The following RNF170 variants were observed in gnomAD, a reference collection of about 807,000 sequenced individuals.
RNF170 encodes the protein ring finger protein 170.
RNF170 carries 12 observed loss-of-function variants against 32.7 expected under a neutral mutation model. The ratio of observed to expected loss-of-function variants is 0.37; its 90% CI spans 0.24 to 0.60. RNF170 has a LOEUF of 0.60. Ranked by LOEUF, RNF170 falls within the 20% of genes least tolerant of loss-of-function variation. RNF170 has a pLI of 0.72. For missense variants in RNF170, 212 were observed against 311.2 expected (o/e 0.68, Z 2.40); for synonymous variants, 91 against 103.6 (o/e 0.88, Z 0.74).
intron 1 of RNF170, among the ~76,000 whole-genome samples, chr8:42,889,013 ATC>A (rs1475300043): frequency 6.6e-5 from 10 of 152,228 alleles, no homozygotes; most frequent in African/African-American, 2.2e-4. Context: ...CCTAATAGAT[ATC>A]TGTTTAAATA....
intron 2 of RNF170, among the ~76,000 whole-genome samples, chr8:42,878,384 A>C (rs1240031428): frequency 6.6e-6 from 1 of 152,242 alleles, no homozygotes; most frequent in African/African-American, 2.4e-5. Context: ...AGTATTACTC[A>C]AGTGAACACA....
intron 1 of RNF170, among the ~76,000 whole-genome samples, chr8:42,888,500 C>T (rs538083244): frequency 6.4e-4 from 97 of 151,072 alleles, no homozygotes; most frequent in African/African-American, 2.2e-3. Flanking sequence ...CAGTGGCTCA[C>T]GCCTGTAATC....
intron 2 of RNF170, among the ~76,000 whole-genome samples, chr8:42,881,842 G>C (rs1805436296): frequency 6.6e-6 from 1 of 152,144 alleles, no homozygotes; most frequent in Non-Finnish European, 1.5e-5. Context: ...GGCTGAGGTG[G>C]GAGGATCACT....
Position 42,860,965 on chromosome 8 carries a change from G to A in RNF170, c.507+780C>T, listed in dbSNP as rs56196900. Among the ~76,000 whole-genome samples, 346 of 150,512 alleles carry A rather than the reference G, an allele frequency of 2.3e-3. 1 individual carries two copies. The highest frequency in any genetic ancestry group is 5.7e-3 in the African/African-American group (235 of 41,000). ...ACTGCTGACCTCAGGTGATCCACCC[G>A]CCTCGGCCTCCCAAAGTGCTGGGAT... is the stretch of plus-strand genomic sequence containing the variant. On this transcript the variant is annotated intron_variant, in intron 6 of 6. Coordinates refer to ENST00000527424, the MANE Select transcript of RNF170 (RefSeq NM_030954.4).
chr8:42,853,387 C>G lies in RNF170; in HGVS notation c.*2772G>C, dbSNP rs913331031. 1.1e-5 allele frequency: 14 copies of G among 1,285,056 alleles called. No individual in the cohort carries two copies. Among genetic ancestry groups the G allele is most frequent in the Middle Eastern group, 6.5e-4 (2 of 3,078 alleles). 79.6% of individuals were successfully genotyped at this position (1,285,056 alleles called of 1,614,324 possible). A position where few individuals can be genotyped will look rare whatever the true frequency, so the allele number is the denominator to read the frequency against. On this transcript the variant is annotated 3_prime_UTR_variant, in exon 7 of 7. Transcript: ENST00000527424. ...AGGTTTGAACCAAACCACCAGTCTT[C>G]TACAACAACTCTGTGAGGTAGGTAT...
chr8:42,867,308 C>T (rs957830690), intron 4 of RNF170, among the ~76,000 whole-genome samples: 1 of 151,482 alleles, frequency 6.6e-6, no homozygotes, highest in African/African-American at 2.4e-5. Flanking sequence ...CCTGTCACTA[C>T]TAAAAATACA....
chr8:42,872,209 C>T (rs1432042046), intron 3 of RNF170, among the ~76,000 whole-genome samples: 1 of 152,120 alleles, frequency 6.6e-6, no homozygotes, highest in Non-Finnish European at 1.5e-5. Flanking sequence ...CTGGAAGATT[C>T]TCCTCAATCT....
upstream of RNF170, chr8:42,897,015 G>C (rs1806991578): frequency 1.4e-6 from 1 of 708,348 alleles, no homozygotes; most frequent in African/African-American, 1.8e-5. Flanking sequence ...TCGGCGGCCG[G>C]ATCCGAGGAG....
chr8:42,884,749 T>G (rs1007083622), intron 2 of RNF170, among the ~76,000 whole-genome samples: 3 of 149,752 alleles, frequency 2.0e-5, no homozygotes, highest in African/African-American at 7.4e-5. Flanking sequence ...TTGCCCAGGC[T>G]GGAGTGCAGT....
intron 4 of RNF170, among the ~76,000 whole-genome samples, 188 bp from the exon 5 acceptor site, chr8:42,865,677 T>A (rs1482193853): frequency 2.6e-5 from 4 of 152,306 alleles, no homozygotes; most frequent in East Asian, 1.9e-4. Context: ...CCATTAAAAA[T>A]TTTTTTATTT....
intron 2 of RNF170, among the ~76,000 whole-genome samples, chr8:42,878,588 T>G (rs1370970896): frequency 4.6e-5 from 7 of 152,156 alleles, no homozygotes; most frequent in Non-Finnish European, 5.9e-5. Context: ...CTAGCAGAGG[T>G]TGGTTCATGA....
rs989424250 is a variant in RNF170 at position 42,853,751 on chromosome 8, A to T, written c.*2408T>A. 1.6e-5 allele frequency: 20 copies of T among 1,287,088 alleles called. No homozygotes were observed. In the South Asian group the frequency reaches 1.6e-4, roughly 10 times the overall value. The allele number at this position is 1,287,088 out of a possible 1,614,324, so 79.7% of individuals were successfully genotyped here. On this transcript the variant is annotated 3_prime_UTR_variant, in exon 7 of 7. Coordinates refer to ENST00000527424, the MANE Select transcript of RNF170 (RefSeq NM_030954.4). ...ATCCCTTCTGCATTTATCATCAGAG[A>T]TCGGTAAAGATGACAACAAGCAGGT...
chr8:42,869,998 G>C lies in RNF170; in HGVS notation c.322+6C>G. On this transcript the variant is annotated splice_donor_region_variant and intron_variant, in intron 4 of 6. Transcript: ENST00000527424. ...ACTTTTCCCAAGTATAGCGTTGTTTGCTTACCACAAAAAAGATGTCCACAG... is the reference window on the plus strand; with the variant it reads ...ACTTTTCCCAAGTATAGCGTTGTTTCCTTACCACAAAAAAGATGTCCACAG... 3.7e-6 allele frequency: 6 copies of C among 1,603,542 alleles called. No individual in the cohort carries two copies. The highest frequency in any genetic ancestry group is 5.1e-6 in the Non-Finnish European group (6 of 1,170,430).
chr8:42,853,835 T>C lies in RNF170; in HGVS notation c.*2324A>G, dbSNP rs1563651193. The C allele has an allele frequency of 7.8e-7, 1 of 1,287,014 alleles. No homozygotes were observed. Among genetic ancestry groups the C allele is most frequent in the Admixed American group, 2.3e-5 (1 of 43,546 alleles). 79.7% of individuals were successfully genotyped at this position (1,287,014 alleles called of 1,614,324 possible). A position where few individuals can be genotyped will look rare whatever the true frequency, so the allele number is the denominator to read the frequency against. Reference sequence around the variant, plus strand: ...CACAATTTAGGAAGCTTTAAGATCATTTAGTATTTTTTTATGTTACAAAAT... The same window carrying C: ...CACAATTTAGGAAGCTTTAAGATCACTTAGTATTTTTTTATGTTACAAAAT... On this transcript the variant is annotated 3_prime_UTR_variant, in exon 7 of 7. Transcript: ENST00000527424.
chr8:42,853,704 T>C lies in RNF170; in HGVS notation c.*2455A>G, dbSNP rs1376771520. ...TGATGTTCAAAACTCTGATTGACTCTACTTGCTTTAAAAACTCTCAGATCC... is the reference window on the plus strand; with the variant it reads ...TGATGTTCAAAACTCTGATTGACTCCACTTGCTTTAAAAACTCTCAGATCC... On this transcript the variant is annotated 3_prime_UTR_variant, in exon 7 of 7. Coordinates refer to ENST00000527424, the MANE Select transcript of RNF170 (RefSeq NM_030954.4). The C allele has an allele frequency of 1.0e-5, 13 of 1,287,230 alleles. No individual in the cohort carries two copies. Among genetic ancestry groups the C allele is most frequent in the Non-Finnish European group, 1.3e-5 (13 of 988,680 alleles). The allele number at this position is 1,287,230 out of a possible 1,614,324, so 79.7% of individuals were successfully genotyped here.
At chr8:42,889,860 G>A (rs943838435) in intron 1 of RNF170, among the ~76,000 whole-genome samples, 2 of 152,136 alleles carry the variant, frequency 1.3e-5, no homozygotes, top group Non-Finnish European at 2.9e-5. Context: ...ATTTCATCAG[G>A]TTTCCTCTCT....
downstream of RNF170, chr8:42,849,696 G>C (rs1374837042): frequency 1.3e-5 from 2 of 152,250 alleles, no homozygotes; most frequent in African/African-American, 2.4e-5. Flanking sequence ...GAATATCTCT[G>C]AGGTCCTCTG....
chr8:42,857,825 A>T (rs988305227), intron 6 of RNF170, among the ~76,000 whole-genome samples: 2 of 152,176 alleles, frequency 1.3e-5, no homozygotes, highest in African/African-American at 4.8e-5. Context: ...CTTGAAGCCA[A>T]GAGTTTTGAG....
chr8:42,886,844 G>A (rs1436423949), intron 2 of RNF170, among the ~76,000 whole-genome samples: 2 of 152,138 alleles, frequency 1.3e-5, no homozygotes, highest in Non-Finnish European at 2.9e-5. Context: ...GCAATGTAGC[G>A]AGACCCTGTC....
Sources: allele counts gnomAD v4.1 joint callset (sites outside exome capture counted in the v4.1 genomes callset), GRCh38; gene constraint gnomAD v4.1.1; transcripts MANE v1.5; gene names NCBI Gene and HGNC (gene_info 2026-07-23, HGNC 2026-07-21).